The following OPHN1 variants were observed in gnomAD, a reference collection of about 807,000 sequenced individuals.
The protein encoded by OPHN1 is oligophrenin 1.
In OPHN1, 11 loss-of-function variants were observed where a neutral mutation model predicts 60.7. The ratio of observed to expected loss-of-function variants is 0.18; its 90% CI spans 0.11 to 0.30. The LOEUF is 0.30. Ranked by LOEUF, OPHN1 falls within the 10% of genes least tolerant of loss-of-function variation. The probability of loss-of-function intolerance (pLI) is 1.00; values close to 1 mark genes in which losing one functional copy is unlikely to be tolerated. For synonymous variants in OPHN1, 226 were observed against 222.6 expected, an observed-to-expected ratio of 1.02 and a Z score of -0.14; for missense variants, 449 against 611.0, an observed-to-expected ratio of 0.73 and a Z score of 2.80.
chrX:68,173,437 C>T (rs1037798089), intron 15 of OPHN1, among the ~76,000 whole-genome samples: 5 of 111,303 alleles, frequency 4.5e-5, no homozygotes, highest in African/African-American at 6.5e-5. Context: ...CAGGAATAAA[C>T]GGGACACAGG....
chrX:68,294,326 C>T (rs186118078), intron 3 of OPHN1, among the ~76,000 whole-genome samples: 2 of 108,314 alleles, frequency 1.8e-5, no homozygotes, highest in East Asian at 5.8e-4. Flanking sequence ...CAAAAAATAG[C>T]CGGGCATGTA....
chrX:68,420,707 C>A (rs73212896), intron 2 of OPHN1, among the ~76,000 whole-genome samples: 8,225 of 110,962 alleles, frequency 0.074, 356 homozygotes, highest in Admixed American at 0.18. Flanking sequence ...ACTCCCTGAA[C>A]CTTCCCCTAC....
intron 2 of OPHN1, among the ~76,000 whole-genome samples, chrX:68,370,431 G>A (rs1037874504): frequency 3.7e-5 from 4 of 108,976 alleles, no homozygotes; most frequent in Admixed American, 9.9e-5. Flanking sequence ...TGCTTGAACC[G>A]GGGAGGTGGA....
chrX:68,336,846 G>A (rs980563808), intron 2 of OPHN1, among the ~76,000 whole-genome samples: 1 of 110,642 alleles, frequency 9.0e-6, no homozygotes, highest in Non-Finnish European at 1.9e-5. Context: ...TTGAGGTCAG[G>A]AGTTTGAGAC....
intron 5 of OPHN1, among the ~76,000 whole-genome samples, chrX:68,259,678 A>C (rs1395949940): frequency 5.4e-5 from 6 of 111,639 alleles, no homozygotes; most frequent in Non-Finnish European, 1.1e-4. Flanking sequence ...TAGATAATGA[A>C]ACTAAGGCAA....
At chrX:68,196,111 C>G (rs891345368) in intron 12 of OPHN1, among the ~76,000 whole-genome samples, 4 of 111,876 alleles carry the variant, frequency 3.6e-5, no homozygotes, top group Non-Finnish European at 7.5e-5. Flanking sequence ...CCAAGTCTCT[C>G]CTGCTACCTT....
chrX:68,336,811 T>C (rs1373007537), intron 2 of OPHN1, among the ~76,000 whole-genome samples: 2 of 110,395 alleles, frequency 1.8e-5, no homozygotes, highest in African/African-American at 6.6e-5. Flanking sequence ...CCCAGTACTT[T>C]GGGAGACCGA....
chrX:68,262,232 A>T (rs1264637725), intron 5 of OPHN1, among the ~76,000 whole-genome samples: 2 of 112,117 alleles, frequency 1.8e-5, no homozygotes, highest in African/African-American at 6.5e-5. Flanking sequence ...TTTAAAATAT[A>T]AAAATAACTA....
intron 2 of OPHN1, among the ~76,000 whole-genome samples, chrX:68,325,585 T>TTTTTTTTTTTGA: frequency 2.9e-4 from 21 of 71,476 alleles, no homozygotes; most frequent in African/African-American, 1.4e-3. Flanking sequence ...TTTAAACTTT[T>TTTTTTTTTTTGA]GGATAAAGAC....
At chrX:68,418,777 C>A (rs898350881) in intron 2 of OPHN1, among the ~76,000 whole-genome samples, 20 of 111,505 alleles carry the variant, frequency 1.8e-4, no homozygotes, top group Non-Finnish European at 3.6e-4. Flanking sequence ...ACTAATAATG[C>A]CCTGCCTGAT....
chrX:68,086,175 T>C (rs1296381128), intron 19 of OPHN1, among the ~76,000 whole-genome samples: 1 of 29,960 alleles, frequency 3.3e-5, no homozygotes, highest in African/African-American at 7.4e-5. Context: ...GTGGAGACTC[T>C]GTCTCCAAAA....
At chrX:68,374,018 G>C (rs1350738318) in intron 2 of OPHN1, among the ~76,000 whole-genome samples, 1 of 111,412 alleles carries the variant, frequency 9.0e-6, no homozygotes, top group Admixed American at 9.6e-5. Context: ...GAAAACATAA[G>C]ATAAAATCTC....
chrX:68,391,930 G>A (rs1429073062), intron 2 of OPHN1, among the ~76,000 whole-genome samples: 1 of 111,917 alleles, frequency 8.9e-6, no homozygotes, highest in African/African-American at 3.2e-5. Context: ...CTTGACTTTA[G>A]CAGTGAAACT....
At chrX:68,057,369 C>A (rs2076877327) in intron 21 of OPHN1, among the ~76,000 whole-genome samples, 1 of 111,581 alleles carries the variant, frequency 9.0e-6, no homozygotes, top group Admixed American at 9.6e-5. Context: ...CTGCACCCCA[C>A]AGAGTAGCAG....
chrX:68,395,869 A>G (rs1480802626), intron 2 of OPHN1, among the ~76,000 whole-genome samples: 1 of 111,371 alleles, frequency 9.0e-6, no homozygotes, highest in Non-Finnish European at 1.9e-5. Flanking sequence ...TATAGGCATG[A>G]GTCACCACGC....
At chrX:68,166,402 C>T (rs1158857088) in intron 15 of OPHN1, among the ~76,000 whole-genome samples, 2 of 110,545 alleles carry the variant, frequency 1.8e-5, no homozygotes, top group Non-Finnish European at 3.8e-5. Context: ...GGCGTGGTGG[C>T]GGGCGCCTGT....
Position 68,346,261 on chromosome X carries a change from G to A in OPHN1, c.155-47165C>T, listed in dbSNP as rs180828046. Among the ~76,000 whole-genome samples, 196 of 112,097 alleles carry A rather than the reference G, an allele frequency of 1.7e-3. 1 individual carries two copies. The highest frequency in any genetic ancestry group is 6.1e-3 in the African/African-American group (189 of 30,938). The stretch of plus-strand genomic sequence containing the variant: ...AGGCATCTCAGATTAAATAAAGCAA[G>A]AGTGGAGTCCTCTGAGCACTGAATG... On this transcript the variant is annotated intron_variant, in intron 2 of 24. Transcript: ENST00000355520.
chrX:68,181,964 A>G (rs1410709547), intron 15 of OPHN1, among the ~76,000 whole-genome samples: 1 of 112,169 alleles, frequency 8.9e-6, no homozygotes, highest in African/African-American at 3.2e-5. Flanking sequence ...GCCAGAGGCT[A>G]GATGGCCAAA....
At chrX:68,223,541 C>T (rs73530469) in intron 6 of OPHN1, among the ~76,000 whole-genome samples, 1,798 of 110,926 alleles carry the variant, frequency 0.016, 39 homozygotes, top group African/African-American at 0.056. Context: ...ACATTGGAGA[C>T]TCAGAAAAAG....
Sources: gnomAD v4.1 joint callset for allele counts (sites outside exome capture counted in the v4.1 genomes callset) on GRCh38, gnomAD v4.1.1 for gene constraint, MANE v1.5 for transcripts, NCBI Gene and HGNC (gene_info 2026-07-23, HGNC 2026-07-21) for gene names.